The following COX6B1 variants were observed in gnomAD, a reference collection of about 807,000 sequenced individuals.
COX6B1 encodes COX VIb-1.
A neutral mutation model predicts 14.0 loss-of-function variants in COX6B1; 2 were observed. The ratio of observed to expected loss-of-function variants is 0.14; its 90% CI spans 0.06 to 0.45. The LOEUF (loss-of-function observed/expected upper bound fraction) is 0.45, where lower values mean the gene tolerates loss of function less well. COX6B1 is among the 20% of genes least tolerant of loss of function. COX6B1 has a pLI of 0.98. For synonymous variants in COX6B1, 30 were observed against 39.7 expected (o/e 0.76, Z 0.92); for missense variants, 81 against 114.2 (o/e 0.71, Z 1.33).
chr19:35,652,474 C>T (rs1233769708), intron 2 of COX6B1, among the ~76,000 whole-genome samples: 2 of 152,020 alleles, frequency 1.3e-5, no homozygotes, highest in African/African-American at 2.4e-5. Context: ...TTTCGTTGCC[C>T]AGGCTGGAGT....
rs777322992 is a variant in COX6B1 at position 35,651,363 on chromosome 19, T to C, written c.106+14T>C. ...AGAACTACCTGGGTAAGCAGGACCT[T>C]TCCCTGGCCACATACCTCGAGTCAC... On this transcript the variant is annotated intron_variant, in intron 2 of 3. Coordinates refer to ENST00000649813, the MANE Select transcript of COX6B1 (RefSeq NM_001863.5). The C allele has an allele frequency of 1.6e-5, 25 of 1,599,828 alleles. No individual in the cohort carries two copies. The highest frequency in any genetic ancestry group is 1.8e-5 in the Non-Finnish European group (21 of 1,167,380).
In COX6B1 at chr19:35,654,000, G is replaced by A. The variant is rs144175582; in HGVS notation, c.107-571G>A. On this transcript the variant is annotated intron_variant, in intron 2 of 3. Coordinates refer to ENST00000649813, the MANE Select transcript of COX6B1 (RefSeq NM_001863.5). The stretch of plus-strand genomic sequence containing the variant: ...ATTACAGGCCTGAGCCACCATGCCC[G>A]GCTACCACCGTGTTTAGATTCACCT... Among the ~76,000 whole-genome samples the A allele has an allele frequency of 5.7e-3, 863 of 152,210 alleles. 10 individuals are homozygous for A. The highest frequency in any genetic ancestry group is 0.02 in the African/African-American group (815 of 41,542).
intron 3 of COX6B1, among the ~76,000 whole-genome samples, chr19:35,655,778 T>TCTCC (rs1967882182): frequency 6.6e-6 from 1 of 151,570 alleles, no homozygotes; most frequent in South Asian, 2.1e-4. Flanking sequence ...TCTCTCTCTC[T>TCTCC]CTCTCTCTCT....
chr19:35,657,909 T>C (rs1416184520), intron 3 of COX6B1, among the ~76,000 whole-genome samples: 2 of 151,918 alleles, frequency 1.3e-5, no homozygotes, highest in Non-Finnish European at 2.9e-5. Flanking sequence ...CTCCCACCTT[T>C]GCCTCCCAAA....
At chr19:35,655,688 G>A (rs986070128) in intron 3 of COX6B1, among the ~76,000 whole-genome samples, 2 of 151,604 alleles carry the variant, frequency 1.3e-5, no homozygotes, top group Non-Finnish European at 2.9e-5. Context: ...CGAACTCCTG[G>A]GCTCAAGTGT....
chr19:35,652,855 A>G (rs902168725), intron 2 of COX6B1, among the ~76,000 whole-genome samples: 1 of 151,562 alleles, frequency 6.6e-6, no homozygotes, highest in African/African-American at 2.4e-5. Context: ...TTGGAGTGCA[A>G]TGGCACGATC....
At chr19:35,656,789 A>G (rs753573000) in intron 3 of COX6B1, among the ~76,000 whole-genome samples, 9 of 152,158 alleles carry the variant, frequency 5.9e-5, no homozygotes, top group Non-Finnish European at 1.2e-4. Flanking sequence ...CCATGTTAGC[A>G]CTTTACATCA....
At chr19:35,656,480 T>C (rs1260256421) in intron 3 of COX6B1, among the ~76,000 whole-genome samples, 1 of 54,574 alleles carries the variant, frequency 1.8e-5, no homozygotes, top group Non-Finnish European at 3.2e-5. Flanking sequence ...TTGTTAGACC[T>C]TTTTTTTTTT....
At chr19:35,651,645 C>T (rs1041683955) in intron 2 of COX6B1, among the ~76,000 whole-genome samples, 4 of 152,010 alleles carry the variant, frequency 2.6e-5, no homozygotes, top group African/African-American at 9.7e-5. Flanking sequence ...AATCATAGCT[C>T]ACTGCAGCCT....
intron 1 of COX6B1, among the ~76,000 whole-genome samples, chr19:35,649,112 A>G (rs113430364): frequency 0.02 from 3,101 of 152,246 alleles, 60 homozygotes; most frequent in Admixed American, 0.038. Context: ...GCTCCCGACG[A>G]ACACTGTCAC....
At position 35,658,588 on chromosome 19, in the gene COX6B1, C is replaced by T; in HGVS notation, c.208-6C>T. 1 of 1,613,700 alleles carries T rather than the reference C, an allele frequency of 6.2e-7. No homozygotes were observed. Among genetic ancestry groups the T allele is most frequent in the Non-Finnish European group, 8.5e-7 (1 of 1,179,642 alleles). On this transcript the variant is annotated splice_region_variant and splice_polypyrimidine_tract_variant and intron_variant, in intron 3 of 3. Transcript: ENST00000649813. ...CTGCGGAGGGAATAACACTGTCTTT[C>T]CACAGGTCACAGACTGGGATGAGCA...
intron 2 of COX6B1, among the ~76,000 whole-genome samples, chr19:35,653,533 A>G (rs553049844): frequency 4.0e-5 from 6 of 149,908 alleles, no homozygotes; most frequent in Non-Finnish European, 7.4e-5. Flanking sequence ...CGGCCTCCCA[A>G]AGTGCTGAGA....
intron 2 of COX6B1, among the ~76,000 whole-genome samples, chr19:35,652,891 C>CG (rs1335585043): frequency 6.6e-6 from 1 of 151,502 alleles, no homozygotes; most frequent in Non-Finnish European, 1.5e-5. Flanking sequence ...CTCTGCCTCC[C>CG]GGGTTCAAGT....
intron 3 of COX6B1, among the ~76,000 whole-genome samples, chr19:35,657,297 G>A (rs1036171876): frequency 4.0e-5 from 6 of 151,708 alleles, no homozygotes; most frequent in Admixed American, 6.6e-5. Flanking sequence ...CCTCACATGC[G>A]CAGTTCACAA....
At chr19:35,648,962 A>G (rs1967791847) in intron 1 of COX6B1, 1 of 532,542 alleles carries the variant, frequency 1.9e-6, no homozygotes. Context: ...TTTACACCCC[A>G]CTTCCCCACC....
intron 2 of COX6B1, among the ~76,000 whole-genome samples, chr19:35,653,103 G>A (rs1967847875): frequency 6.6e-6 from 1 of 151,586 alleles, no homozygotes; most frequent in Non-Finnish European, 1.5e-5. Flanking sequence ...GAGTAGCTGG[G>A]ATTACAGTCG....
intron 1 of COX6B1, among the ~76,000 whole-genome samples, chr19:35,650,826 CCACCA>C (rs1967816293): frequency 6.6e-6 from 1 of 151,368 alleles, no homozygotes; most frequent in Non-Finnish European, 1.5e-5. Flanking sequence ...CGGAGGCAGC[CCACCA>C]GTTATTTTTA....
In COX6B1 at chr19:35,648,346, T is replaced by G. The variant is rs1447854951; in HGVS notation, c.-69T>G. On this transcript the variant is annotated 5_prime_UTR_variant, in exon 1 of 4. Coordinates refer to ENST00000649813, the MANE Select transcript of COX6B1 (RefSeq NM_001863.5). ...GTAGTAGTTCCGCTTCCTGTCCGAC[T>G]GTGGTGTCTTTGCTGAGGGTCACAT... 1.9e-5 allele frequency: 3 copies of G among 154,538 alleles called. No homozygotes were observed. The highest frequency in any genetic ancestry group is 7.2e-5 in the African/African-American group (3 of 41,444). The allele number at this position is 154,538 out of a possible 1,614,324, so 9.6% of individuals were successfully genotyped here. A position where few individuals can be genotyped will look rare whatever the true frequency, so the allele number is the denominator to read the frequency against.
intron 1 of COX6B1, among the ~76,000 whole-genome samples, chr19:35,649,115 A>T (rs1037285109): frequency 4.6e-5 from 7 of 152,110 alleles, no homozygotes; most frequent in Non-Finnish European, 1.0e-4. Context: ...CCCGACGAAC[A>T]CTGTCACTTC....
Sources: allele counts gnomAD v4.1 joint callset (sites outside exome capture counted in the v4.1 genomes callset), GRCh38; gene constraint gnomAD v4.1.1; transcripts MANE v1.5; gene names NCBI Gene and HGNC (gene_info 2026-07-23, HGNC 2026-07-21).